The following PSD3 variants were observed in gnomAD, a reference collection of about 807,000 sequenced individuals.
PSD3 encodes pleckstrin and Sec7 domain containing 3, also known as PH and SEC7 domain-containing protein 3.
Under a neutral mutation model 105.5 loss-of-function variants are expected in PSD3, and 49 were observed. That is an observed-to-expected ratio of 0.46 (90% CI 0.37 to 0.59). PSD3 has a LOEUF of 0.59. Ranked by LOEUF, PSD3 falls within the 20% of genes least tolerant of loss-of-function variation. The pLI is 0.00. For missense variants in PSD3, 1,561 were observed against 1,263.8 expected, an observed-to-expected ratio of 1.24 and a Z score of -3.57; for synonymous variants, 557 against 457.8, an observed-to-expected ratio of 1.22 and a Z score of -2.77.
Position 18,918,668 on chromosome 8 carries a change from T to TCTC in PSD3, c.130+17363_130+17365dup, listed in dbSNP as rs148192759. The stretch of plus-strand genomic sequence containing the variant: ...GGCCTGTTCCCAGTACATCAGCATT[T>TCTC]CTCCAACTGTGTTCCAATAACATCC... On this transcript the variant is annotated intron_variant, in intron 2 of 15. Coordinates refer to ENST00000327040, the MANE Select transcript of PSD3 (RefSeq NM_015310.4). Among the ~76,000 whole-genome samples, 917 of 152,302 alleles carry TCTC rather than the reference T, an allele frequency of 6.0e-3. 6 individuals are homozygous for TCTC. Among genetic ancestry groups the TCTC allele is most frequent in the African/African-American group, 0.021 (875 of 41,552 alleles).
At chr8:18,798,171 C>A (rs762966957) in intron 8 of PSD3, among the ~76,000 whole-genome samples, 29 of 152,208 alleles carry the variant, frequency 1.9e-4, no homozygotes, top group Non-Finnish European at 2.9e-5. Flanking sequence ...GTGTATTAGC[C>A]GTGCTATACT....
At chr8:18,655,158 C>T (rs1402984122) in intron 10 of PSD3, among the ~76,000 whole-genome samples, 1 of 150,582 alleles carries the variant, frequency 6.6e-6, no homozygotes, top group Non-Finnish European at 1.5e-5. Context: ...CCCGTCTCTA[C>T]TAAAAATGCA....
At chr8:19,047,445 G>A (rs1506893) in intron 1 of PSD3, among the ~76,000 whole-genome samples, 11 of 152,232 alleles carry the variant, frequency 7.2e-5, no homozygotes, top group Admixed American at 5.9e-4. Flanking sequence ...TCATGCCCTA[G>A]GATAAATGTC....
intron 9 of PSD3, among the ~76,000 whole-genome samples, chr8:18,667,763 G>A (rs1799559047): frequency 6.6e-6 from 1 of 152,204 alleles, no homozygotes; most frequent in African/African-American, 2.4e-5. Flanking sequence ...GGCGGGGCAA[G>A]GAGCCCATGG....
intron 9 of PSD3, among the ~76,000 whole-genome samples, chr8:18,665,552 A>G (rs965207749): frequency 2.6e-5 from 4 of 152,386 alleles, no homozygotes; most frequent in African/African-American, 9.6e-5. Context: ...ATGACAAAAA[A>G]GGATTTAGAA....
intron 9 of PSD3, among the ~76,000 whole-genome samples, chr8:18,721,959 C>A (rs986972739): frequency 1.3e-5 from 2 of 151,876 alleles, no homozygotes; most frequent in African/African-American, 4.8e-5. Flanking sequence ...AGTAATGCCA[C>A]GTAATTTAAA....
intron 9 of PSD3, among the ~76,000 whole-genome samples, chr8:18,742,931 C>A (rs193105564): frequency 7.9e-5 from 12 of 152,252 alleles, no homozygotes; most frequent in Admixed American, 6.5e-4. Context: ...TAGACATCAA[C>A]TAGTTTTAAG....
At chr8:18,589,949 A>G (rs189704776) in intron 12 of PSD3, among the ~76,000 whole-genome samples, 16 of 152,284 alleles carry the variant, frequency 1.1e-4, no homozygotes, top group African/African-American at 3.4e-4. Flanking sequence ...CTGCCATAAC[A>G]TATTTTGCCA....
chr8:18,551,977 G>A (rs1800797452), intron 15 of PSD3, among the ~76,000 whole-genome samples: 1 of 152,144 alleles, frequency 6.6e-6, no homozygotes, highest in African/African-American at 2.4e-5. Context: ...TATCAGATGT[G>A]ATATATTAAT....
At chr8:18,582,814 A>ATTTTTTT (rs1563345708) in intron 12 of PSD3, among the ~76,000 whole-genome samples, 1 of 76,930 alleles carries the variant, frequency 1.3e-5, no homozygotes, top group Non-Finnish European at 2.4e-5. Context: ...AGCCACACTG[A>ATTTTTTT]TCTTTTTTTT....
At position 18,712,426 on chromosome 8, in the gene PSD3, T is replaced by C. The variant is rs988901991; in HGVS notation, c.2172+53023A>G. 4.0e-5 allele frequency among the ~76,000 whole-genome samples: 6 copies of C among 151,408 alleles called. 1 individual carries two copies. The highest frequency in any genetic ancestry group is 3.9e-4 in the Admixed American group (6 of 15,230). On this transcript the variant is annotated intron_variant, in intron 9 of 15. Coordinates refer to ENST00000327040, the MANE Select transcript of PSD3 (RefSeq NM_015310.4). The stretch of plus-strand genomic sequence containing the variant: ...AATAATTGAATACACACAATAAAAA[T>C]GATAAAGGGGTATCATCCCTGACCC...
intron 2 of PSD3, among the ~76,000 whole-genome samples, chr8:18,917,369 T>C (rs1820691993): frequency 6.6e-6 from 1 of 152,188 alleles, no homozygotes; most frequent in African/African-American, 2.4e-5. Context: ...TTTTCAGCCT[T>C]TCTCTTACAG....
At chr8:18,565,712 G>A (rs561305741) in intron 14 of PSD3, among the ~76,000 whole-genome samples, 1 of 152,266 alleles carries the variant, frequency 6.6e-6, no homozygotes, top group South Asian at 2.1e-4. Context: ...ATTTAGGGGA[G>A]TCAGAGCCAG....
intron 11 of PSD3, among the ~76,000 whole-genome samples, chr8:18,611,586 T>A (rs955531623): frequency 1.4e-5 from 2 of 141,464 alleles, no homozygotes; most frequent in Non-Finnish European, 3.3e-5. Context: ...ATGCAATCCT[T>A]TGGATTTTTT....
intron 4 of PSD3, among the ~76,000 whole-genome samples, chr8:18,851,177 C>A (rs1476797519): frequency 6.6e-6 from 1 of 152,182 alleles, no homozygotes; most frequent in East Asian, 1.9e-4. Flanking sequence ...AGCACTTTCC[C>A]ATAGTTATTT....
At chr8:19,073,738 C>G (rs1020854814) in intron 1 of PSD3, among the ~76,000 whole-genome samples, 6 of 151,866 alleles carry the variant, frequency 4.0e-5, no homozygotes, top group Non-Finnish European at 8.8e-5. Context: ...TGCTTATTCT[C>G]AACTGAATCA....
intron 9 of PSD3, among the ~76,000 whole-genome samples, chr8:18,681,062 A>G (rs1800358996): frequency 1.3e-5 from 2 of 152,224 alleles, no homozygotes; most frequent in Admixed American, 1.3e-4. Context: ...AATACAAAAC[A>G]TGTAATTCCA....
Position 18,567,297 on chromosome 8 carries a change from T to A in PSD3, c.2784+5231A>T, listed in dbSNP as rs567117791. 2.4e-4 allele frequency among the ~76,000 whole-genome samples: 36 copies of A among 152,236 alleles called. No individual in the cohort carries two copies. In the South Asian group the frequency reaches 6.6e-3, roughly 28 times the overall value. On this transcript the variant is annotated intron_variant, in intron 14 of 15. Coordinates refer to ENST00000327040, the MANE Select transcript of PSD3 (RefSeq NM_015310.4). ...TTTTTTTTGCTTCCAGTTACTTGAT[T>A]TTTTCCCTCCCCTTATATCGTGTAA... is the stretch of plus-strand genomic sequence containing the variant.
intron 9 of PSD3, among the ~76,000 whole-genome samples, chr8:18,664,322 AAG>A (rs1315245944): frequency 1.3e-5 from 2 of 152,214 alleles, no homozygotes; most frequent in Non-Finnish European, 2.9e-5. Context: ...CACAAAATAT[AAG>A]AGAGTGAAAC....
Sources: gnomAD v4.1 joint callset for allele counts (sites outside exome capture counted in the v4.1 genomes callset) on GRCh38, gnomAD v4.1.1 for gene constraint, MANE v1.5 for transcripts, NCBI Gene and HGNC (gene_info 2026-07-23, HGNC 2026-07-21) for gene names.